The following RDH12 variants were observed in gnomAD, a reference collection of about 807,000 sequenced individuals.
RDH12 encodes all-trans and 9-cis retinol dehydrogenase.
A neutral mutation model predicts 34.0 loss-of-function variants in RDH12; 21 were observed. That is an observed-to-expected ratio of 0.62 (90% confidence interval 0.44 to 0.89). The LOEUF is 0.89. Among genes scored for constraint, RDH12 ranks in the 40% least tolerant of loss-of-function variants. The pLI is 0.00. For missense variants in RDH12, 394 were observed against 398.6 expected (o/e 0.99, Z 0.10); for synonymous variants, 198 against 169.9 (o/e 1.17, Z -1.29).
intron 4 of RDH12, 87 bp downstream of exon 4, chr14:67,724,678 C>G: frequency 9.5e-7 from 1 of 1,052,170 alleles, no homozygotes; most frequent in Admixed American, 1.8e-5. Context: ...TTTGTGTTTC[C>G]TCCTAGGCTT....
chr14:67,722,363 A>G (rs1040969685), intron 2 of RDH12, 61 bp from the exon 3 acceptor site: 2 of 540,470 alleles, frequency 3.7e-6, no homozygotes, highest in Admixed American at 6.2e-5. Context: ...GTTTCCCCAC[A>G]TTCTCTTTGC....
chr14:67,726,224 G>A (rs1242506648), intron 6 of RDH12, 69 bp downstream of exon 6: 6 of 949,336 alleles, frequency 6.3e-6, no homozygotes, highest in Middle Eastern at 2.1e-4. Flanking sequence ...ATGACACTGT[G>A]TAAATGTGGA....
At chr14:67,711,830 G>T (rs1188128973) in intron 1 of RDH12, among the ~76,000 whole-genome samples, 1 of 152,202 alleles carries the variant, frequency 6.6e-6, no homozygotes, top group Non-Finnish European at 1.5e-5. Context: ...GTTCTAGAGG[G>T]AGATTGAAGA....
At chr14:67,715,280 C>T (rs1027495389) in intron 1 of RDH12, 4 of 151,966 alleles carry the variant, frequency 2.6e-5, no homozygotes, top group African/African-American at 9.7e-5. Flanking sequence ...TCCAGATCTA[C>T]TTCTGATGAT....
intron 1 of RDH12, among the ~76,000 whole-genome samples, chr14:67,716,483 A>G (rs1242478581): frequency 6.6e-6 from 1 of 152,168 alleles, no homozygotes; most frequent in Non-Finnish European, 1.5e-5. Flanking sequence ...ACGCTTCTTG[A>G]TTTTCCATGA....
At chr14:67,715,846 G>T (rs2038062282) in intron 1 of RDH12, among the ~76,000 whole-genome samples, 1 of 152,204 alleles carries the variant, frequency 6.6e-6, no homozygotes, top group African/African-American at 2.4e-5. Context: ...TTGGTTCCAT[G>T]TGCTGGGGGA....
At chr14:67,704,485 A>G (rs1182636123) in intron 1 of RDH12, among the ~76,000 whole-genome samples, 28 of 152,074 alleles carry the variant, frequency 1.8e-4, no homozygotes, top group Admixed American at 1.8e-3. Context: ...GAACAGCTCC[A>G]TTTTGGCCAC....
chr14:67,722,340 G>T (rs375069620), intron 2 of RDH12, 84 bp from the exon 3 acceptor site: 5 of 499,262 alleles, frequency 1.0e-5, no homozygotes, highest in East Asian at 3.7e-5. Context: ...GGGTTTAGGG[G>T]GTACTTGCTT....
intron 1 of RDH12, among the ~76,000 whole-genome samples, chr14:67,704,989 T>C (rs985916409): frequency 2.0e-5 from 3 of 152,210 alleles, no homozygotes; most frequent in African/African-American, 7.2e-5. Context: ...GTCTAGGTAG[T>C]CCAGGGAGGT....
intron 6 of RDH12, 83 bp from the exon 7 acceptor site, chr14:67,726,898 A>T: frequency 8.1e-7 from 1 of 1,230,650 alleles, no homozygotes; most frequent in Non-Finnish European, 1.2e-6. Context: ...ATAGTGAGCT[A>T]ACACTGAAGT....
chr14:67,727,509 T>A lies in RDH12; in HGVS notation c.658+319T>A, dbSNP rs768029342. ...TGTTTTTTTTTTTTTGAGACTTGAGTTTCGCTCTTGTCGCCCAGGCTGGAG... is the reference window on the plus strand; with the variant it reads ...TGTTTTTTTTTTTTTGAGACTTGAGATTCGCTCTTGTCGCCCAGGCTGGAG... On this transcript the variant is annotated intron_variant, in intron 7 of 8. Transcript: ENST00000551171. 1.4e-4 allele frequency: 49 copies of A among 341,636 alleles called. 1 individual carries two copies. Among genetic ancestry groups the A allele is most frequent in the Non-Finnish European group, 2.5e-4 (45 of 179,092 alleles). 21.2% of individuals were successfully genotyped at this position (341,636 alleles called of 1,614,324 possible). A position where few individuals can be genotyped will look rare whatever the true frequency, so the allele number is the denominator to read the frequency against.
chr14:67,726,964 G>A lies in RDH12; in HGVS notation c.449-17G>A, dbSNP rs781422528. ...TGTCATTCCACTTTCAATCTTCCCTGCTGGCTCTCCTCACAGGCCACTTCC... is the reference window on the plus strand; with the variant it reads ...TGTCATTCCACTTTCAATCTTCCCTACTGGCTCTCCTCACAGGCCACTTCC... On this transcript the variant is annotated splice_polypyrimidine_tract_variant and intron_variant, in intron 6 of 8. Transcript: ENST00000551171. The A allele has an allele frequency of 2.5e-6, 4 of 1,609,516 alleles. No homozygotes were observed. Among genetic ancestry groups the A allele is most frequent in the African/African-American group, 1.3e-5 (1 of 74,778 alleles).
Position 67,725,179 on chromosome 14 carries a change from T to A in RDH12, c.268T>A (p.Ser90Thr). The A allele has an allele frequency of 1.2e-6, 2 of 1,614,156 alleles. No individual in the cohort carries two copies. The highest frequency in any genetic ancestry group is 1.7e-6 in the Non-Finnish European group (2 of 1,180,028). The change falls in exon 5 of 9, where the codon TCC (serine) becomes ACC (threonine). Residue 90 changes from serine to threonine, a missense_variant. Transcript: ENST00000551171. ...ASEIRVDTKN[S>T]QVLVRKLDLS... Reference sequence around the variant, plus strand: ...TGAAATCCGAGTGGATACAAAGAACTCCCAGGTGCTGGTGCGGAAATTGGA... The same window carrying A: ...TGAAATCCGAGTGGATACAAAGAACACCCAGGTGCTGGTGCGGAAATTGGA...
chr14:67,728,703 TG>T (rs142252701), intron 7 of RDH12, among the ~76,000 whole-genome samples: 10,177 of 142,222 alleles, frequency 0.072, 445 homozygotes, highest in Middle Eastern at 0.15. Flanking sequence ...GGATATCTTG[TG>T]GGGGGGGGGT....
chr14:67,707,762 C>A (rs1360443503), intron 1 of RDH12, among the ~76,000 whole-genome samples: 1 of 152,198 alleles, frequency 6.6e-6, no homozygotes, highest in African/African-American at 2.4e-5. Context: ...TTTGTGCTAT[C>A]AAATACCTAT....
chr14:67,716,349 T>C (rs2038069799), intron 1 of RDH12, among the ~76,000 whole-genome samples: 2 of 152,090 alleles, frequency 1.3e-5, no homozygotes, highest in Admixed American at 6.6e-5. Context: ...AGAGGAGATA[T>C]ATTTAAGTTG....
At chr14:67,717,558 G>A (rs140573438) in intron 1 of RDH12, among the ~76,000 whole-genome samples, 1 of 152,182 alleles carries the variant, frequency 6.6e-6, no homozygotes, top group Non-Finnish European at 1.5e-5. Flanking sequence ...ATACACCAGG[G>A]TTATCCTTTA....
At chr14:67,729,596 G>A (rs1566849777) in intron 8 of RDH12, 2 of 637,350 alleles carry the variant, frequency 3.1e-6, no homozygotes, top group South Asian at 1.8e-5. Flanking sequence ...TTTTATACTC[G>A]TGTGCCGCTT....
At position 67,726,856 on chromosome 14, in the gene RDH12, T is replaced by C. The variant is rs1295675345; in HGVS notation, c.449-125T>C. The C allele has an allele frequency of 3.8e-6, 3 of 780,774 alleles. No homozygotes were observed. In the African/African-American group the frequency reaches 5.1e-5, roughly 13 times the overall value. The allele number at this position is 780,774 out of a possible 1,614,324, so 48.4% of individuals were successfully genotyped here. On this transcript the variant is annotated intron_variant, in intron 6 of 8. Coordinates refer to ENST00000551171, the MANE Select transcript of RDH12 (RefSeq NM_152443.3). ...AGACCAAACTGACCATTAGAGTTACTCATGGCATCAAAATTGGTTCACACC... is the reference window on the plus strand; with the variant it reads ...AGACCAAACTGACCATTAGAGTTACCCATGGCATCAAAATTGGTTCACACC...
Sources: gnomAD v4.1 joint callset for allele counts (sites outside exome capture counted in the v4.1 genomes callset) on GRCh38, gnomAD v4.1.1 for gene constraint, MANE v1.5 for transcripts, NCBI Gene and HGNC (gene_info 2026-07-23, HGNC 2026-07-21) for gene names.